The following CHSY3 variants were observed in gnomAD, a reference collection of about 807,000 sequenced individuals.
CHSY3 encodes N-acetylgalactosaminyl-proteoglycan 3-beta-glucuronosyltransferase 3.
CHSY3 carries 35 observed loss-of-function variants against 67.2 expected under a neutral mutation model. The observed-to-expected ratio is 0.52, with a 90% CI of 0.40 to 0.69. CHSY3 has a LOEUF of 0.69. Ranked by LOEUF, CHSY3 falls within the 30% of genes least tolerant of loss-of-function variation. The pLI is 0.00. For missense variants in CHSY3, 1,069 were observed against 1,138.5 expected (o/e 0.94, Z 0.88); for synonymous variants, 474 against 434.7 (o/e 1.09, Z -1.12).
At chr5:130,068,967 T>A (rs1370083915) in intron 2 of CHSY3, among the ~76,000 whole-genome samples, 1 of 152,082 alleles carries the variant, frequency 6.6e-6, no homozygotes, top group African/African-American at 2.4e-5. Flanking sequence ...AATGAATAAA[T>A]GGGTGGAGTA....
In CHSY3 at chr5:130,056,071, T is replaced by G. The variant is rs140776004; in HGVS notation, c.1087-128158T>G. On this transcript the variant is annotated intron_variant, in intron 2 of 2. Transcript: ENST00000305031. ...AGGTAAATGCCTATAATGCTGTATC[T>G]AAGAATTGAAGCCAGTGTGACATGC... Among the ~76,000 whole-genome samples, 608 of 152,264 alleles carry G rather than the reference T, an allele frequency of 4.0e-3. 6 individuals carry two copies. Among genetic ancestry groups the G allele is most frequent in the African/African-American group, 0.014 (595 of 41,532 alleles).
chr5:130,177,491 T>G (rs538239003), intron 2 of CHSY3, among the ~76,000 whole-genome samples: 1 of 152,252 alleles, frequency 6.6e-6, no homozygotes, highest in East Asian at 1.9e-4. Context: ...AGCAATGACC[T>G]TATTTTCTCC....
At chr5:130,174,187 A>G (rs1224410548) in intron 2 of CHSY3, among the ~76,000 whole-genome samples, 1 of 152,026 alleles carries the variant, frequency 6.6e-6, no homozygotes. Flanking sequence ...TCTAATTTGC[A>G]GAGTCTTCAC....
chr5:130,084,464 G>T (rs1378340024), intron 2 of CHSY3, among the ~76,000 whole-genome samples: 1 of 151,790 alleles, frequency 6.6e-6, no homozygotes, highest in African/African-American at 2.4e-5. Flanking sequence ...AGCAAAATAT[G>T]TGTGACCAAT....
At chr5:129,948,870 C>A (rs1027250254) in intron 2 of CHSY3, among the ~76,000 whole-genome samples, 33 of 152,028 alleles carry the variant, frequency 2.2e-4, no homozygotes, top group African/African-American at 8.0e-4. Context: ...TATGGCCATT[C>A]TTGCAGTAGT....
chr5:130,085,667 G>C (rs2149688932), intron 2 of CHSY3, among the ~76,000 whole-genome samples: 1 of 151,674 alleles, frequency 6.6e-6, no homozygotes, highest in East Asian at 1.9e-4. Flanking sequence ...GAATGTGTTT[G>C]CTCTTGCTTT....
chr5:130,096,683 A>G (rs564836229), intron 2 of CHSY3, among the ~76,000 whole-genome samples: 1 of 152,268 alleles, frequency 6.6e-6, no homozygotes, highest in South Asian at 2.1e-4. Context: ...AGTATGACGT[A>G]AGGTGTTGCC....
chr5:129,988,225 A>C (rs1283639684), intron 2 of CHSY3, among the ~76,000 whole-genome samples: 2 of 152,240 alleles, frequency 1.3e-5, no homozygotes, highest in African/African-American at 4.8e-5. Flanking sequence ...GAGCCATTTT[A>C]CATGTGAGTC....
chr5:129,947,031 A>G (rs1203399425), intron 2 of CHSY3, among the ~76,000 whole-genome samples: 1 of 152,200 alleles, frequency 6.6e-6, no homozygotes, highest in Non-Finnish European at 1.5e-5. Flanking sequence ...TAATAAAGAC[A>G]TAACTGAGAC....
intron 2 of CHSY3, among the ~76,000 whole-genome samples, chr5:130,089,379 A>G (rs201973962): frequency 6.6e-6 from 1 of 152,088 alleles, no homozygotes; most frequent in East Asian, 1.9e-4. Context: ...TAATAATAAT[A>G]AAATAAAAAT....
intron 2 of CHSY3, among the ~76,000 whole-genome samples, chr5:130,105,314 T>C (rs1050145623): frequency 6.6e-6 from 1 of 151,744 alleles, no homozygotes; most frequent in African/African-American, 2.4e-5. Context: ...TTAGTCTCAC[T>C]ACCAGAGTGT....
chr5:130,051,193 C>T (rs539259269), intron 2 of CHSY3, among the ~76,000 whole-genome samples: 4 of 151,942 alleles, frequency 2.6e-5, no homozygotes, highest in South Asian at 4.2e-4. Context: ...TGGAGGTGGG[C>T]GTGCATGGAG....
intron 2 of CHSY3, among the ~76,000 whole-genome samples, chr5:129,942,757 T>G (rs559292806): frequency 6.6e-6 from 1 of 152,290 alleles, no homozygotes; most frequent in Non-Finnish European, 1.5e-5. Context: ...TACGCTTTGG[T>G]TTGAATGTTT....
intron 2 of CHSY3, chr5:130,001,775 C>T (rs1006633179): frequency 6.0e-6 from 5 of 827,106 alleles, no homozygotes; most frequent in Non-Finnish European, 5.8e-6. Flanking sequence ...AACATGCCCT[C>T]GCTGATAGTT....
At position 130,178,253 on chromosome 5, in the gene CHSY3, A is replaced by ATATATATATT. The variant is rs1205782386; in HGVS notation, c.1087-5975_1087-5974insATATATATTT. Among the ~76,000 whole-genome samples the ATATATATATT allele has an allele frequency of 8.2e-3, 376 of 45,870 alleles. 3 individuals are homozygous for ATATATATATT. Among genetic ancestry groups the ATATATATATT allele is most frequent in the Middle Eastern group, 0.021 (1 of 48 alleles). 30.1% of individuals were successfully genotyped at this position (45,870 alleles called of 152,430 possible). On this transcript the variant is annotated intron_variant, in intron 2 of 2. Transcript: ENST00000305031. ...TATATATATATATATATATATATAT[A>ATATATATATT]TTTTTTTTTTTTTTTTTCCTGAGAC...
chr5:130,010,900 C>T (rs1453871630), intron 2 of CHSY3, among the ~76,000 whole-genome samples: 1 of 151,304 alleles, frequency 6.6e-6, no homozygotes, highest in Non-Finnish European at 1.5e-5. Flanking sequence ...TTCCTGGAAA[C>T]ATGCAACCTC....
At chr5:129,936,394 C>T (rs566562463) in intron 2 of CHSY3, among the ~76,000 whole-genome samples, 3 of 151,456 alleles carry the variant, frequency 2.0e-5, no homozygotes, top group African/African-American at 4.9e-5. Flanking sequence ...AGGCTGACAG[C>T]GACAGGGCCT....
chr5:130,075,833 C>A (rs910915307), intron 2 of CHSY3, among the ~76,000 whole-genome samples: 5 of 152,148 alleles, frequency 3.3e-5, no homozygotes, highest in African/African-American at 1.2e-4. Flanking sequence ...GTGATAATTT[C>A]TGTTGCTATC....
intron 2 of CHSY3, among the ~76,000 whole-genome samples, chr5:130,056,060 A>G (rs146888010): frequency 3.8e-4 from 58 of 152,256 alleles, no homozygotes; most frequent in African/African-American, 1.3e-3. Flanking sequence ...AAATGCCTAT[A>G]ATGCTGTATC....
Sources: gnomAD v4.1 joint callset for allele counts (sites outside exome capture counted in the v4.1 genomes callset) on GRCh38, gnomAD v4.1.1 for gene constraint, MANE v1.5 for transcripts, NCBI Gene and HGNC (gene_info 2026-07-23, HGNC 2026-07-21) for gene names.